Variants in HAO2 observed in about 807,000 individuals in gnomAD.
The protein encoded by HAO2 is 2-Hydroxyacid oxidase 2.
In HAO2, 42 loss-of-function variants were observed where a neutral mutation model predicts 37.4. The ratio of observed to expected loss-of-function variants is 1.12; its 90% CI spans 0.88 to 1.45. HAO2 has a LOEUF of 1.45. Among genes scored for constraint, HAO2 ranks in the 40% most tolerant of loss-of-function variants. The pLI is 0.00. For synonymous variants in HAO2, 180 were observed against 162.8 expected (o/e 1.11, Z -0.81); for missense variants, 476 against 430.2 (o/e 1.11, Z -0.94).
At chr1:119,378,569 G>C (rs753803375) in intron 1 of HAO2, among the ~76,000 whole-genome samples, 1 of 152,162 alleles carries the variant, frequency 6.6e-6, no homozygotes, top group Non-Finnish European at 1.5e-5. Context: ...AATTAGAAGA[G>C]GTATCGAAAT....
In HAO2 at chr1:119,392,014, G is replaced by T. The variant is rs587770760; in HGVS notation, c.772-96G>T. Reference sequence around the variant, plus strand: ...GGGAGGGGAAGAAATTGTCAAGGGCGTCTCCTCAGCTTGGTTTTCCTGGTC... The same window carrying T: ...GGGAGGGGAAGAAATTGTCAAGGGCTTCTCCTCAGCTTGGTTTTCCTGGTC... On this transcript the variant is annotated intron_variant, in intron 5 of 7. Transcript: ENST00000325945. 10 of 1,059,958 alleles carry T rather than the reference G, an allele frequency of 9.4e-6. No homozygotes were observed. In the South Asian group the frequency reaches 1.1e-4, roughly 12 times the overall value. 65.7% of individuals were successfully genotyped at this position (1,059,958 alleles called of 1,614,324 possible).
At chr1:119,389,242 C>T (rs1342738200) in intron 5 of HAO2, among the ~76,000 whole-genome samples, 1 of 138,210 alleles carries the variant, frequency 7.2e-6, no homozygotes, top group African/African-American at 2.7e-5. Flanking sequence ...ATTGTTAATT[C>T]TGCTGCTATA....
chr1:119,380,834 C>A, intron 1 of HAO2: 2 of 754,728 alleles, frequency 2.6e-6, no homozygotes, highest in South Asian at 1.7e-5. Context: ...AAGAAATACT[C>A]AGAAGGCCAA....
intron 5 of HAO2, among the ~76,000 whole-genome samples, chr1:119,391,483 G>A (rs1233635975): frequency 6.6e-6 from 1 of 152,228 alleles, no homozygotes. Flanking sequence ...AGGCCAAGAT[G>A]ATAAGATGTT....
intron 5 of HAO2, among the ~76,000 whole-genome samples, chr1:119,390,412 T>A (rs1156927826): frequency 1.3e-5 from 2 of 152,088 alleles, no homozygotes; most frequent in Non-Finnish European, 2.9e-5. Context: ...CCACCACGCC[T>A]GGTTATTTGC....
chr1:119,380,449 C>A, intron 1 of HAO2: 1 of 450,424 alleles, frequency 2.2e-6, no homozygotes. Context: ...AGCGACCCAG[C>A]CAAGAATTAC....
chr1:119,380,281 G>A (rs980483911), intron 1 of HAO2, among the ~76,000 whole-genome samples: 3 of 152,098 alleles, frequency 2.0e-5, no homozygotes, highest in African/African-American at 7.2e-5. Context: ...TCAGGGTGTT[G>A]TATCAAAAGT....
chr1:119,375,541 G>C (rs1649388302), intron 1 of HAO2, among the ~76,000 whole-genome samples: 1 of 152,130 alleles, frequency 6.6e-6, no homozygotes, highest in Non-Finnish European at 1.5e-5. Flanking sequence ...TTGAAAATGA[G>C]AATGTCTATC....
At chr1:119,369,825 A>C (rs1215187501) in intron 1 of HAO2, among the ~76,000 whole-genome samples, 1 of 152,108 alleles carries the variant, frequency 6.6e-6, no homozygotes, top group African/African-American at 2.4e-5. Context: ...TGAGCTATGA[A>C]AGTCTGTCTT....
chr1:119,372,032 T>C (rs1406273640), intron 1 of HAO2, among the ~76,000 whole-genome samples: 4 of 152,216 alleles, frequency 2.6e-5, no homozygotes, highest in Admixed American at 1.3e-4. Context: ...TTGGAGGGCA[T>C]TTGTTTGAAA....
intron 6 of HAO2, 60 bp from the exon 7 acceptor site, chr1:119,392,558 G>A (rs1650997746): frequency 3.7e-6 from 4 of 1,070,872 alleles, no homozygotes; most frequent in Non-Finnish European, 4.4e-6. Flanking sequence ...TTATACTAGT[G>A]GATGGTCAGA....
In HAO2 at chr1:119,393,900, GCA is replaced by G; in HGVS notation, c.*63_*64del. On this transcript the variant is annotated 3_prime_UTR_variant, in exon 8 of 8. Coordinates refer to ENST00000325945, the MANE Select transcript of HAO2 (RefSeq NM_016527.4). Reference sequence around the variant, plus strand: ...CCCACAGGAGGATCACAAACTCACAGCACAGTGTGTGATGCTGTCCTTCCTGG... The same window carrying G: ...CCCACAGGAGGATCACAAACTCACAGCAGTGTGTGATGCTGTCCTTCCTGG... The G allele has an allele frequency of 6.2e-7, 1 of 1,610,560 alleles. No homozygotes were observed. Among genetic ancestry groups the G allele is most frequent in the African/African-American group, 1.3e-5 (1 of 74,948 alleles).
intron 1 of HAO2, among the ~76,000 whole-genome samples, chr1:119,373,452 A>T (rs989310401): frequency 1.3e-5 from 2 of 152,152 alleles, no homozygotes; most frequent in African/African-American, 2.4e-5. Flanking sequence ...GTGCTGCCAA[A>T]CTTGTGCACA....
chr1:119,375,874 C>A (rs1420577620), intron 1 of HAO2, among the ~76,000 whole-genome samples: 2 of 152,108 alleles, frequency 1.3e-5, no homozygotes, highest in East Asian at 1.9e-4. Flanking sequence ...CCCGCTCCCC[C>A]ATGATTCAAT....
At chr1:119,389,740 G>T (rs1650723610) in intron 5 of HAO2, among the ~76,000 whole-genome samples, 1 of 151,144 alleles carries the variant, frequency 6.6e-6, no homozygotes, top group Non-Finnish European at 1.5e-5. Context: ...TCTGTGGGTT[G>T]TCTGTTTACT....
intron 5 of HAO2, among the ~76,000 whole-genome samples, chr1:119,389,150 A>G (rs201782541): frequency 2.8e-5 from 2 of 72,208 alleles, no homozygotes; most frequent in African/African-American, 9.8e-5. Context: ...ATATATATAT[A>G]TATATATATA....
In HAO2 at chr1:119,390,044, T is replaced by C. The variant is rs146215631; in HGVS notation, c.772-2066T>C. On this transcript the variant is annotated intron_variant, in intron 5 of 7. Coordinates refer to ENST00000325945, the MANE Select transcript of HAO2 (RefSeq NM_016527.4). ...ATCCCAGCAGCATTGTTAAATATAGTATCCTTTCCCTACTTTATGTTTTTG... is the reference window on the plus strand; with the variant it reads ...ATCCCAGCAGCATTGTTAAATATAGCATCCTTTCCCTACTTTATGTTTTTG... 1.2e-3 allele frequency among the ~76,000 whole-genome samples: 189 copies of C among 152,200 alleles called. 2 individuals are homozygous for C. The Middle Eastern group carries it at 0.017, about 14-fold the overall frequency.
At chr1:119,381,997 A>G (rs1244216610) in intron 2 of HAO2, among the ~76,000 whole-genome samples, 5 of 152,108 alleles carry the variant, frequency 3.3e-5, no homozygotes, top group African/African-American at 1.2e-4. Context: ...TCAAATATTT[A>G]CTCTCTGGCC....
intron 4 of HAO2, chr1:119,385,519 C>G: frequency 1.2e-6 from 1 of 861,636 alleles, no homozygotes; most frequent in Non-Finnish European, 1.4e-6. Context: ...CAGGTTCTAC[C>G]TTACTGCCTT....
Sources: gnomAD v4.1 joint callset for allele counts (sites outside exome capture counted in the v4.1 genomes callset) on GRCh38, gnomAD v4.1.1 for gene constraint, MANE v1.5 for transcripts, NCBI Gene and HGNC (gene_info 2026-07-23, HGNC 2026-07-21) for gene names.